The following LYRM4 variants were observed in gnomAD, a reference collection of about 807,000 sequenced individuals.
LYRM4 encodes the protein LYR motif containing 4, also known as LYR motif-containing protein 4.
In LYRM4, 9 loss-of-function variants were observed where a neutral mutation model predicts 11.7. That is an observed-to-expected ratio of 0.77 (90% CI 0.46 to 1.34). The LOEUF is 1.34. Ranked by LOEUF, LYRM4 falls within the 40% of genes most tolerant of loss-of-function variation. LYRM4 has a pLI of 0.00. For synonymous variants in LYRM4, 42 were observed against 40.4 expected, an observed-to-expected ratio of 1.04 and a Z score of -0.15; for missense variants, 133 against 112.5, an observed-to-expected ratio of 1.18 and a Z score of -0.82.
intron 2 of LYRM4, among the ~76,000 whole-genome samples, chr6:5,196,347 G>C (rs191734305): frequency 1.3e-5 from 2 of 152,204 alleles, no homozygotes; most frequent in African/African-American, 4.8e-5. Flanking sequence ...AGATGATGGA[G>C]ACTCATGCCT....
At chr6:5,085,127 A>C in the LYRM4 span, 1 of 279,710 alleles carries the variant, frequency 3.6e-6, no homozygotes, top group South Asian at 7.0e-5. Flanking sequence ...CCCGCGAACG[A>C]CAGAAAGTCG....
intron 1 of LYRM4, among the ~76,000 whole-genome samples, chr6:5,222,823 A>G (rs1265827482): frequency 1.1e-5 from 1 of 88,548 alleles, no homozygotes; most frequent in Non-Finnish European, 2.6e-5. Context: ...GACAGAAGCA[A>G]TAACACTGAA....
the LYRM4 span, among the ~76,000 whole-genome samples, chr6:5,059,331 G>A: frequency 1.0e-3 from 123 of 120,032 alleles, no homozygotes; most frequent in African/African-American, 3.8e-3. Context: ...ACAGAGCAGC[G>A]CCCTGTCTCA....
At chr6:5,107,470 A>G (rs867766619), downstream of LYRM4, 2 of 152,078 alleles carry the variant, frequency 1.3e-5, no homozygotes, top group Admixed American at 6.6e-5. Flanking sequence ...GTGACCACGA[A>G]CTCCACTGCA....
chr6:5,257,295 T>C (rs954478783), intron 1 of LYRM4, among the ~76,000 whole-genome samples: 1 of 152,126 alleles, frequency 6.6e-6, no homozygotes, highest in South Asian at 2.1e-4. Context: ...AGTGCTGTGC[T>C]GTTTGCCTGC....
At chr6:5,100,883 C>A (rs890234569), downstream of LYRM4, among the ~76,000 whole-genome samples, 3 of 152,226 alleles carry the variant, frequency 2.0e-5, no homozygotes, top group African/African-American at 7.2e-5. Context: ...CTCCATTGCT[C>A]ATCAAGTCCA....
rs1762757890 is a variant in LYRM4 at position 5,108,981 on chromosome 6, C to A, written c.*442G>T. 1 of 1,001,508 alleles carries A rather than the reference C, an allele frequency of 1.0e-6. No individual in the cohort carries two copies. The highest frequency in any genetic ancestry group is 1.7e-5 in the African/African-American group (1 of 57,802). 62.0% of individuals were successfully genotyped at this position (1,001,508 alleles called of 1,614,324 possible). A position where few individuals can be genotyped will look rare whatever the true frequency, so the allele number is the denominator to read the frequency against. ...AGTTCTCGTCTCAGAGTTGAACCCT[C>A]CCTGAGGGCCCCCAACAGCCCTCTC... On this transcript the variant is annotated 3_prime_UTR_variant, in exon 3 of 3. Transcript: ENST00000330636.
At chr6:5,238,271 T>C (rs769274242) in intron 1 of LYRM4, among the ~76,000 whole-genome samples, 2 of 152,242 alleles carry the variant, frequency 1.3e-5, no homozygotes, top group Non-Finnish European at 2.9e-5. Context: ...GATAGGGTTC[T>C]AAAATTTCTT....
chr6:5,214,794 G>A (rs932860567), intron 2 of LYRM4, among the ~76,000 whole-genome samples: 1 of 152,218 alleles, frequency 6.6e-6, no homozygotes, highest in Non-Finnish European at 1.5e-5. Flanking sequence ...GACATGAAAG[G>A]GAAGTGAGTA....
At chr6:5,164,479 T>C (rs750268871) in intron 2 of LYRM4, among the ~76,000 whole-genome samples, 3 of 152,144 alleles carry the variant, frequency 2.0e-5, no homozygotes, top group Non-Finnish European at 4.4e-5. Context: ...AGATAATATA[T>C]AAAGACAGCA....
At chr6:5,147,730 C>T (rs1157091899) in intron 2 of LYRM4, among the ~76,000 whole-genome samples, 1 of 152,236 alleles carries the variant, frequency 6.6e-6, no homozygotes, top group African/African-American at 2.4e-5. Context: ...TCTCTCCCTA[C>T]TGCCTAAACA....
chr6:5,119,881 A>G (rs569869087), intron 2 of LYRM4, among the ~76,000 whole-genome samples: 1 of 151,050 alleles, frequency 6.6e-6, no homozygotes, highest in African/African-American at 2.4e-5. Context: ...GACATTCCGC[A>G]TCATCATAGG....
intron 2 of LYRM4, among the ~76,000 whole-genome samples, chr6:5,110,858 C>T (rs778810745): frequency 3.3e-5 from 5 of 152,118 alleles, no homozygotes; most frequent in South Asian, 2.1e-4. Context: ...TGGGGTGCTG[C>T]GTTTCTCGCA....
intron 1 of LYRM4, among the ~76,000 whole-genome samples, chr6:5,239,367 G>C (rs1763732862): frequency 6.6e-6 from 1 of 152,106 alleles, no homozygotes; most frequent in Non-Finnish European, 1.5e-5. Flanking sequence ...GGATGATGTG[G>C]AGTTTTAGTT....
intron 1 of LYRM4, chr6:5,218,557 G>A (rs530217013): frequency 2.1e-4 from 39 of 186,230 alleles, no homozygotes; most frequent in Admixed American, 3.9e-4. Context: ...GAAGGGAAGA[G>A]TTTAGGAACC....
chr6:5,197,771 T>C (rs182781757), intron 2 of LYRM4, among the ~76,000 whole-genome samples: 1 of 152,298 alleles, frequency 6.6e-6, no homozygotes, highest in Admixed American at 6.5e-5. Context: ...TTATTTCAAA[T>C]AGATAACCTA....
intron 1 of LYRM4, among the ~76,000 whole-genome samples, chr6:5,223,561 C>G (rs4144009): frequency 0.38 from 57,570 of 151,942 alleles, 11,452 homozygotes; most frequent in South Asian, 0.52. Flanking sequence ...TCCATTTGAA[C>G]AGGCATTAAA....
At chr6:5,043,758 AC>A in the LYRM4 span, among the ~76,000 whole-genome samples, 1 of 151,860 alleles carries the variant, frequency 6.6e-6, no homozygotes, top group African/African-American at 2.4e-5. Flanking sequence ...CAGAGCCCAC[AC>A]CCCAACCACC....
At chr6:5,091,910 G>A in the LYRM4 span, among the ~76,000 whole-genome samples, 1 of 152,182 alleles carries the variant, frequency 6.6e-6, no homozygotes, top group African/African-American at 2.4e-5. Context: ...TTCTCCGATT[G>A]TAGTTACTCC....
Sources: gnomAD v4.1 joint callset for allele counts (sites outside exome capture counted in the v4.1 genomes callset) on GRCh38, gnomAD v4.1.1 for gene constraint, MANE v1.5 for transcripts, NCBI Gene and HGNC (gene_info 2026-07-23, HGNC 2026-07-21) for gene names.